NSMCE2: variants seen among roughly 807,000 people sequenced by gnomAD.
The protein encoded by NSMCE2 is E3 SUMO-protein ligase NSE2.
NSMCE2 carries 24 observed loss-of-function variants against 23.8 expected under a neutral mutation model. That is an observed-to-expected ratio of 1.01 (90% CI 0.73 to 1.42). NSMCE2 has a LOEUF of 1.42. NSMCE2 is among the 40% of genes most tolerant of loss of function. NSMCE2 has a pLI of 0.00. For synonymous variants in NSMCE2, 92 were observed against 94.1 expected (o/e 0.98, Z 0.13); for missense variants, 284 against 296.5 (o/e 0.96, Z 0.31).
intron 1 of NSMCE2, among the ~76,000 whole-genome samples, chr8:125,092,505 A>C (rs1315971819): frequency 6.6e-6 from 1 of 152,244 alleles, no homozygotes; most frequent in Non-Finnish European, 1.5e-5. Flanking sequence ...ATGTGAGCAA[A>C]TAGTTGTGAT....
intron 5 of NSMCE2, among the ~76,000 whole-genome samples, chr8:125,345,280 A>G (rs1332977697): frequency 6.6e-6 from 1 of 152,194 alleles, no homozygotes; most frequent in Non-Finnish European, 1.5e-5. Flanking sequence ...TGGAACAGAG[A>G]ATGAACAATG....
rs560853281 is a variant in NSMCE2 at position 125,272,412 on chromosome 8, A to G, written c.419-84807A>G. Among the ~76,000 whole-genome samples the G allele has an allele frequency of 1.7e-4, 25 of 151,320 alleles. No homozygotes were observed. In the South Asian group the frequency reaches 4.6e-3, roughly 28 times the overall value. The stretch of plus-strand genomic sequence containing the variant: ...TTTCACTTACTTATTCAAAAATCTC[A>G]GCATTTAGATCTAGAAAAGGACATA... On this transcript the variant is annotated intron_variant, in intron 5 of 7. Transcript: ENST00000287437.
intron 5 of NSMCE2, among the ~76,000 whole-genome samples, chr8:125,227,782 A>G (rs1422029185): frequency 6.6e-6 from 1 of 152,218 alleles, no homozygotes; most frequent in African/African-American, 2.4e-5. Context: ...CGTTACCCAG[A>G]GATAACCACA....
intron 3 of NSMCE2, among the ~76,000 whole-genome samples, chr8:125,150,677 C>T (rs1230302734): frequency 2.0e-5 from 3 of 151,976 alleles, no homozygotes; most frequent in Non-Finnish European, 4.4e-5. Flanking sequence ...TCACCACGCC[C>T]GGCTGCTATC....
In NSMCE2 at chr8:125,282,522, C is replaced by T. The variant is rs190741826; in HGVS notation, c.419-74697C>T. ...ATATGGTTGATGCATCGCATATTTA[C>T]CTCTGCTCCACTTACTCCTTCGATT... On this transcript the variant is annotated intron_variant, in intron 5 of 7. Coordinates refer to ENST00000287437, the MANE Select transcript of NSMCE2 (RefSeq NM_173685.4). Among the ~76,000 whole-genome samples, 62 of 152,286 alleles carry T rather than the reference C, an allele frequency of 4.1e-4. 1 individual carries two copies. Among genetic ancestry groups the T allele is most frequent in the Non-Finnish European group, 4.6e-4 (31 of 68,026 alleles).
intron 3 of NSMCE2, among the ~76,000 whole-genome samples, chr8:125,138,193 A>T (rs1187362487): frequency 6.6e-6 from 1 of 152,122 alleles, no homozygotes; most frequent in East Asian, 1.9e-4. Context: ...ATCTGGCTTA[A>T]TAGTACTTTT....
chr8:125,187,518 T>A (rs1823158687), intron 5 of NSMCE2, among the ~76,000 whole-genome samples: 1 of 152,216 alleles, frequency 6.6e-6, no homozygotes, highest in Admixed American at 6.5e-5. Flanking sequence ...AGCTCATGGT[T>A]TCTTGCAGTT....
Position 125,349,052 on chromosome 8 carries a change from C to G in NSMCE2, c.419-8167C>G, listed in dbSNP as rs899394492. ...ACACACACACACACACACACACACA[C>G]ACACACACACAGAGCTCTTAATTCC... On this transcript the variant is annotated intron_variant, in intron 5 of 7. Coordinates refer to ENST00000287437, the MANE Select transcript of NSMCE2 (RefSeq NM_173685.4). Among the ~76,000 whole-genome samples the G allele has an allele frequency of 4.9e-5, 7 of 141,692 alleles. No homozygotes were observed. The East Asian group carries it at 1.4e-3, about 28-fold the overall frequency. 93.0% of individuals were successfully genotyped at this position (141,692 alleles called of 152,430 possible). A position where few individuals can be genotyped will look rare whatever the true frequency, so the allele number is the denominator to read the frequency against.
chr8:125,193,032 A>G (rs1358914993), intron 5 of NSMCE2, among the ~76,000 whole-genome samples: 1 of 152,232 alleles, frequency 6.6e-6, no homozygotes, highest in Non-Finnish European at 1.5e-5. Context: ...ATAATAGTTG[A>G]AGGCTAGTTA....
intron 5 of NSMCE2, among the ~76,000 whole-genome samples, chr8:125,322,380 TC>T (rs1432385641): frequency 6.6e-6 from 1 of 152,160 alleles, no homozygotes; most frequent in Non-Finnish European, 1.5e-5. Context: ...AATCATATGA[TC>T]ATCTCAATAG....
chr8:125,159,193 A>G lies in NSMCE2; in HGVS notation c.264+7916A>G, dbSNP rs145993580. On this transcript the variant is annotated intron_variant, in intron 4 of 7. Transcript: ENST00000287437. Reference sequence around the variant, plus strand: ...TACAGTATACTGTTATCATTATTCTATTTTTCTATCAGTTATTGTTAATCT... The same window carrying G: ...TACAGTATACTGTTATCATTATTCTGTTTTTCTATCAGTTATTGTTAATCT... 3.9e-3 allele frequency among the ~76,000 whole-genome samples: 596 copies of G among 152,100 alleles called. 3 individuals are homozygous for G. Among genetic ancestry groups the G allele is most frequent in the Non-Finnish European group, 5.5e-3 (376 of 67,990 alleles).
intron 4 of NSMCE2, among the ~76,000 whole-genome samples, chr8:125,175,147 T>G (rs1822419770): frequency 6.6e-6 from 1 of 152,070 alleles, no homozygotes; most frequent in African/African-American, 2.4e-5. Flanking sequence ...TATATAAAGG[T>G]GGAGACAGTG....
intron 5 of NSMCE2, among the ~76,000 whole-genome samples, chr8:125,199,942 G>A (rs1208555092): frequency 6.6e-6 from 1 of 152,000 alleles, no homozygotes; most frequent in South Asian, 2.1e-4. Context: ...GGCCTTCTTT[G>A]TCTCTTGATC....
At chr8:125,215,364 C>T (rs1396108731) in intron 5 of NSMCE2, among the ~76,000 whole-genome samples, 4 of 151,232 alleles carry the variant, frequency 2.6e-5, no homozygotes. Flanking sequence ...CTACAAAGGA[C>T]ATGAACTCAT....
intron 5 of NSMCE2, among the ~76,000 whole-genome samples, chr8:125,213,808 G>T (rs1250869550): frequency 2.0e-5 from 3 of 148,698 alleles, no homozygotes; most frequent in Non-Finnish European, 4.4e-5. Context: ...GTTTTGTTTG[G>T]CTCACACAGT....
chr8:125,149,409 A>G (rs368770781), intron 3 of NSMCE2, among the ~76,000 whole-genome samples: 1 of 151,374 alleles, frequency 6.6e-6, no homozygotes, highest in South Asian at 2.1e-4. Context: ...TATTCTTCAG[A>G]GTAGAAAAGA....
At chr8:125,190,502 C>T (rs999567485) in intron 5 of NSMCE2, among the ~76,000 whole-genome samples, 2 of 152,100 alleles carry the variant, frequency 1.3e-5, no homozygotes, top group East Asian at 3.8e-4. Context: ...GGAATGTTTA[C>T]ATTTTAAAGT....
intron 4 of NSMCE2, among the ~76,000 whole-genome samples, chr8:125,156,706 G>T (rs1057171784): frequency 1.8e-4 from 27 of 152,166 alleles, no homozygotes; most frequent in African/African-American, 6.0e-4. Context: ...CTTGATGTAT[G>T]CTATTGAAAC....
chr8:125,093,506 T>C (rs1817777123), intron 1 of NSMCE2, among the ~76,000 whole-genome samples: 1 of 152,064 alleles, frequency 6.6e-6, no homozygotes, highest in South Asian at 2.1e-4. Flanking sequence ...CTGGTCAACA[T>C]AGCGAAACCC....
Sources: allele counts gnomAD v4.1 joint callset (sites outside exome capture counted in the v4.1 genomes callset), GRCh38; gene constraint gnomAD v4.1.1; transcripts MANE v1.5; gene names NCBI Gene and HGNC (gene_info 2026-07-23, HGNC 2026-07-21).